The following SNTB1 variants were observed in gnomAD, a reference collection of about 807,000 sequenced individuals.
SNTB1 encodes beta-1-syntrophin.
A neutral mutation model predicts 48.9 loss-of-function variants in SNTB1; 36 were observed. The ratio of observed to expected loss-of-function variants is 0.74; its 90% CI spans 0.56 to 0.97. The LOEUF is 0.97. Ranked by LOEUF, SNTB1 falls within the 50% of genes least tolerant of loss-of-function variation. The probability of loss-of-function intolerance (pLI) is 0.00; values close to 1 mark genes in which losing one functional copy is unlikely to be tolerated. For missense variants in SNTB1, 786 were observed against 703.4 expected (o/e 1.12, Z -1.33); for synonymous variants, 299 against 294.6 (o/e 1.01, Z -0.15).
At chr8:120,725,932 C>T (rs1175939286) in intron 1 of SNTB1, among the ~76,000 whole-genome samples, 1 of 152,178 alleles carries the variant, frequency 6.6e-6, no homozygotes, top group Non-Finnish European at 1.5e-5. Flanking sequence ...AATTAGAACA[C>T]TGCCACCATA....
chr8:120,768,225 T>G (rs1046434635), intron 1 of SNTB1, among the ~76,000 whole-genome samples: 2 of 152,158 alleles, frequency 1.3e-5, no homozygotes, highest in Admixed American at 6.5e-5. Context: ...CAGTCTCCTA[T>G]GGAATGCATT....
At chr8:120,763,945 T>C (rs898294826) in intron 1 of SNTB1, among the ~76,000 whole-genome samples, 1 of 152,112 alleles carries the variant, frequency 6.6e-6, no homozygotes, top group Non-Finnish European at 1.5e-5. Flanking sequence ...GGTCACACAA[T>C]GTAATGAGCA....
In SNTB1 at chr8:120,674,058, G is replaced by A. The variant is rs183546983; in HGVS notation, c.788+19634C>T. Among the ~76,000 whole-genome samples, 3 of 152,236 alleles carry A rather than the reference G, an allele frequency of 2.0e-5. No individual in the cohort carries two copies. In the East Asian group the frequency reaches 5.8e-4, roughly 29 times the overall value. On this transcript the variant is annotated intron_variant, in intron 2 of 6. Coordinates refer to ENST00000517992, the MANE Select transcript of SNTB1 (RefSeq NM_021021.4). ...TTTGGCAAACTGTTATACTGACCGA[G>A]GCAATCATTGTAAAGGAGAGTTTTT...
At chr8:120,721,286 A>G (rs73321282) in intron 1 of SNTB1, among the ~76,000 whole-genome samples, 24,383 of 152,234 alleles carry the variant, frequency 0.16, 2,257 homozygotes, top group African/African-American at 0.24. Context: ...TAAAACTTGG[A>G]TATGTTGGAA....
At chr8:120,740,120 C>T (rs1393977403) in intron 1 of SNTB1, among the ~76,000 whole-genome samples, 2 of 152,132 alleles carry the variant, frequency 1.3e-5, no homozygotes, top group Non-Finnish European at 2.9e-5. Flanking sequence ...AATTTAGTGA[C>T]AGGAGGAGAG....
chr8:120,734,016 C>A (rs1818896316), intron 1 of SNTB1, among the ~76,000 whole-genome samples: 1 of 152,076 alleles, frequency 6.6e-6, no homozygotes, highest in African/African-American at 2.4e-5. Context: ...ATAAGATCAA[C>A]AAATGTAAAG....
chr8:120,655,313 G>A (rs1375865127), intron 2 of SNTB1, among the ~76,000 whole-genome samples: 2 of 152,186 alleles, frequency 1.3e-5, no homozygotes, highest in African/African-American at 4.8e-5. Context: ...AAAATGGGTT[G>A]TAACTACAAG....
At chr8:120,680,460 G>A (rs1353730168) in intron 2 of SNTB1, among the ~76,000 whole-genome samples, 1 of 152,164 alleles carries the variant, frequency 6.6e-6, no homozygotes, top group African/African-American at 2.4e-5. Context: ...ATCAAAGGGA[G>A]TATCAGCCAA....
intron 2 of SNTB1, among the ~76,000 whole-genome samples, chr8:120,655,190 A>G (rs1021457090): frequency 1.3e-5 from 2 of 152,246 alleles, no homozygotes; most frequent in Non-Finnish European, 2.9e-5. Flanking sequence ...AAAAAAAAGA[A>G]TACTTGTAAA....
rs1587065273 is a variant in SNTB1, at chr8:120,653,098, C to A, written c.789-20447G>T. Among the ~76,000 whole-genome samples, 3 of 152,176 alleles carry A rather than the reference C, an allele frequency of 2.0e-5. No individual in the cohort carries two copies. In the South Asian group the frequency reaches 6.2e-4, roughly 32 times the overall value. ...GTACATGGTCTCTGCCTCCAATTAA[C>A]TCACCCTGTGCAGTGCATTGAATAG... is the stretch of plus-strand genomic sequence containing the variant. On this transcript the variant is annotated intron_variant, in intron 2 of 6. Coordinates refer to ENST00000517992, the MANE Select transcript of SNTB1 (RefSeq NM_021021.4).
chr8:120,799,516 A>G (rs1051685084), intron 1 of SNTB1, among the ~76,000 whole-genome samples: 1 of 152,142 alleles, frequency 6.6e-6, no homozygotes, highest in South Asian at 2.1e-4. Context: ...GGGAACTTAG[A>G]GATATGATAG....
chr8:120,542,231 CTAGGATCTACTGAATGT>C (rs2130643469), intron 5 of SNTB1: 1 of 456,206 alleles, frequency 2.2e-6, no homozygotes, highest in East Asian at 3.8e-5. Flanking sequence ...ATTCCTTTTT[CTAGGATCTACTGAATGT>C]TATCTGGGTT....
chr8:120,607,191 A>G (rs934214298), intron 3 of SNTB1, among the ~76,000 whole-genome samples: 1 of 152,220 alleles, frequency 6.6e-6, no homozygotes, highest in Non-Finnish European at 1.5e-5. Flanking sequence ...AAAAGTGAAT[A>G]GAAAATAAAA....
intron 1 of SNTB1, among the ~76,000 whole-genome samples, chr8:120,704,497 G>A (rs546471633): frequency 5.9e-4 from 90 of 152,070 alleles, no homozygotes; most frequent in Admixed American, 1.6e-3. Flanking sequence ...AATCTGCAGT[G>A]TTTTCTTTTC....
At chr8:120,807,238 C>T (rs6990988) in intron 1 of SNTB1, among the ~76,000 whole-genome samples, 18,847 of 152,174 alleles carry the variant, frequency 0.12, 3,848 homozygotes, top group African/African-American at 0.43. Context: ...ACAAAAAAGT[C>T]GACCTATTTC....
intron 2 of SNTB1, among the ~76,000 whole-genome samples, chr8:120,676,837 C>A (rs1817845034): frequency 6.6e-6 from 1 of 151,962 alleles, no homozygotes; most frequent in Non-Finnish European, 1.5e-5. Flanking sequence ...AGGAGAATTG[C>A]CTGAGGCCAG....
At chr8:120,612,577 G>A (rs2130732555) in intron 3 of SNTB1, among the ~76,000 whole-genome samples, 1 of 152,204 alleles carries the variant, frequency 6.6e-6, no homozygotes. Flanking sequence ...TTTTGAGATG[G>A]AGTTTTGATC....
At chr8:120,763,789 T>A (rs1313383403) in intron 1 of SNTB1, among the ~76,000 whole-genome samples, 1 of 87,130 alleles carries the variant, frequency 1.1e-5, no homozygotes, top group African/African-American at 4.5e-5. Context: ...AACCTATGAT[T>A]TTTTTTTTGT....
intron 3 of SNTB1, among the ~76,000 whole-genome samples, chr8:120,622,946 T>C (rs533452676): frequency 3.4e-4 from 52 of 152,336 alleles, no homozygotes; most frequent in African/African-American, 1.2e-3. Flanking sequence ...TTTACCTCTA[T>C]GGGAGACCAC....
Sources: gnomAD v4.1 joint callset for allele counts (sites outside exome capture counted in the v4.1 genomes callset) on GRCh38, gnomAD v4.1.1 for gene constraint, MANE v1.5 for transcripts, NCBI Gene and HGNC (gene_info 2026-07-23, HGNC 2026-07-21) for gene names.